The following NEK10 variants were observed in gnomAD, a reference collection of about 807,000 sequenced individuals.
NEK10 encodes serine/threonine-protein kinase Nek10.
Under a neutral mutation model 159.8 loss-of-function variants are expected in NEK10, and 122 were observed. The observed-to-expected ratio is 0.76, with a 90% CI of 0.66 to 0.89. The LOEUF is 0.89. Ranked by LOEUF, NEK10 falls within the 40% of genes least tolerant of loss-of-function variation. NEK10 has a pLI of 0.00. For missense variants in NEK10, 1,342 were observed against 1,323.1 expected (o/e 1.01, Z -0.22); for synonymous variants, 466 against 457.1 (o/e 1.02, Z -0.25).
intron 5 of NEK10, among the ~76,000 whole-genome samples, chr3:27,331,251 C>CAAAAAAAAAAAAAAAAAAA (rs1247716064): frequency 1.9e-5 from 1 of 53,916 alleles, no homozygotes. Context: ...AAAAAAAAAA[C>CAAAAAAAAAAAAAAAAAAA]AAAAAAAAAA....
chr3:27,136,103 A>ATTTTTTTTTTTTTTTTTTTTTTTTT lies in NEK10; in HGVS notation c.2971-4138_2971-4114dup, dbSNP rs775843715. Among the ~76,000 whole-genome samples the ATTTTTTTTTTTTTTTTTTTTTTTTT allele has an allele frequency of 3.3e-5, 2 of 60,680 alleles. 1 individual carries two copies. Among genetic ancestry groups the ATTTTTTTTTTTTTTTTTTTTTTTTT allele is most frequent in the Non-Finnish European group, 6.2e-5 (2 of 32,034 alleles). The allele number at this position is 60,680 out of a possible 152,430, so 39.8% of individuals were successfully genotyped here. On this transcript the variant is annotated intron_variant, in intron 31 of 35. Transcript: ENST00000691995. The stretch of plus-strand genomic sequence containing the variant: ...GGCTTGCCTGTTCTCTAGGAGATCG[A>ATTTTTTTTTTTTTTTTTTTTTTTTT]TTTTTTTTTTTTTTTTTTTTTTTTT...
intron 10 of NEK10, among the ~76,000 whole-genome samples, chr3:27,308,151 T>G (rs1223828780): frequency 6.6e-6 from 1 of 152,144 alleles, no homozygotes; most frequent in Non-Finnish European, 1.5e-5. Context: ...GCAAGGCACC[T>G]TCTTCACAAG....
chr3:27,204,315 T>TTTTTTTGTTTTTTGTTTTGTTTTG (rs1559606319), intron 23 of NEK10, among the ~76,000 whole-genome samples: 1 of 113,186 alleles, frequency 8.8e-6, no homozygotes, highest in Non-Finnish European at 1.9e-5. Flanking sequence ...TTTTTTTTTT[T>TTTTTTTGTTTTTTGTTTTGTTTTG]TTTTTTATTA....
At chr3:27,250,180 G>A (rs1305624059) in intron 23 of NEK10, among the ~76,000 whole-genome samples, 3 of 150,762 alleles carry the variant, frequency 2.0e-5, no homozygotes, top group Non-Finnish European at 1.5e-5. Flanking sequence ...TTGTTTTTCT[G>A]TGTATTTACT....
At chr3:27,300,167 G>A (rs1406980517) in intron 13 of NEK10, among the ~76,000 whole-genome samples, 1 of 152,186 alleles carries the variant, frequency 6.6e-6, no homozygotes, top group African/African-American at 2.4e-5. Context: ...TGTGTCATGG[G>A]AGGAACCCAG....
chr3:27,144,355 C>T (rs1057006718), intron 30 of NEK10, among the ~76,000 whole-genome samples: 1 of 152,198 alleles, frequency 6.6e-6, no homozygotes, highest in Admixed American at 6.5e-5. Flanking sequence ...TTCAATTTCT[C>T]ATGATAATAA....
At chr3:27,237,439 G>A (rs1324368983) in intron 23 of NEK10, among the ~76,000 whole-genome samples, 1 of 152,162 alleles carries the variant, frequency 6.6e-6, no homozygotes, top group Non-Finnish European at 1.5e-5. Context: ...GTAAAGACAG[G>A]TGTAAGAAAT....
Position 27,201,512 on chromosome 3 carries a change from G to A in NEK10, c.2289C>T (p.Ser763=), listed in dbSNP as rs1468803339. 1.2e-6 allele frequency: 2 copies of A among 1,613,452 alleles called. No homozygotes were observed. The highest frequency in any genetic ancestry group is 1.7e-6 in the Non-Finnish European group (2 of 1,179,538). Residue 763 remains serine (S), a splice_region_variant and synonymous_variant, in exon 25 of 36, where the codon AGC becomes AGT. Coordinates refer to ENST00000691995, the MANE Select transcript of NEK10 (RefSeq NM_001394966.1). ...TCTGAAGCCGCAAGACTAATTACCT[G>A]CTGATGGTGTCTGTTACTTTTTCAG... ...IYSEKVTDTI[S]RCLTPDAEAR...
At chr3:27,311,082 C>G (rs2044661233) in intron 8 of NEK10, 66 bp from the exon 9 acceptor site, 1 of 968,300 alleles carries the variant, frequency 1.0e-6, no homozygotes, top group African/African-American at 1.6e-5. Flanking sequence ...TCCAGGAGCA[C>G]AGATCTGCAG....
intron 16 of NEK10, 116 bp downstream of exon 16, chr3:27,293,472 G>T (rs746237940): frequency 1.5e-5 from 8 of 541,094 alleles, no homozygotes; most frequent in Admixed American, 3.5e-5. Flanking sequence ...AAGACACATG[G>T]TTTGCATACT....
At chr3:27,354,380 A>T (rs1016125348) in intron 1 of NEK10, among the ~76,000 whole-genome samples, 1 of 152,234 alleles carries the variant, frequency 6.6e-6, no homozygotes, top group African/African-American at 2.4e-5. Flanking sequence ...TGAGATCAGC[A>T]TGTACTCTGT....
intron 35 of NEK10, among the ~76,000 whole-genome samples, chr3:27,115,012 C>A (rs1940185555): frequency 6.6e-6 from 1 of 152,168 alleles, no homozygotes; most frequent in African/African-American, 2.4e-5. Flanking sequence ...GGAATACCTG[C>A]ACTTCTTTTC....
intron 1 of NEK10, among the ~76,000 whole-genome samples, chr3:27,356,491 C>T (rs192641173): frequency 3.7e-4 from 56 of 152,226 alleles, no homozygotes; most frequent in African/African-American, 7.0e-4. Flanking sequence ...GCCTGAGCAA[C>T]GGCACAAGAT....
intron 32 of NEK10, among the ~76,000 whole-genome samples, chr3:27,124,185 T>C (rs1335264782): frequency 1.3e-5 from 2 of 152,132 alleles, no homozygotes; most frequent in East Asian, 1.9e-4. Context: ...AGAGTTTAGA[T>C]GGTGAGACAG....
At chr3:27,293,890 C>T (rs2043168189) in intron 15 of NEK10, among the ~76,000 whole-genome samples, 2 of 152,124 alleles carry the variant, frequency 1.3e-5, no homozygotes, top group African/African-American at 4.8e-5. Flanking sequence ...ACTTGGTACT[C>T]GTCATTAATT....
intron 8 of NEK10, chr3:27,311,514 G>A (rs1342754011): frequency 6.3e-6 from 1 of 158,334 alleles, no homozygotes; most frequent in Admixed American, 6.4e-5. Flanking sequence ...AAGCAGATAT[G>A]AAGAGCCAGT....
intron 22 of NEK10, among the ~76,000 whole-genome samples, chr3:27,262,505 A>G (rs1270415283): frequency 6.6e-6 from 1 of 152,150 alleles, no homozygotes; most frequent in Admixed American, 6.5e-5. Context: ...ATATAGTCCC[A>G]TATTTCTTGG....
chr3:27,267,473 CT>C (rs2040995620), intron 22 of NEK10, among the ~76,000 whole-genome samples: 1 of 152,132 alleles, frequency 6.6e-6, no homozygotes, highest in Non-Finnish European at 1.5e-5. Flanking sequence ...ACAGCATCTG[CT>C]CACTTTATAT....
intron 26 of NEK10, among the ~76,000 whole-genome samples, chr3:27,175,103 G>A (rs1162869202): frequency 6.6e-6 from 1 of 152,072 alleles, no homozygotes; most frequent in Non-Finnish European, 1.5e-5. Flanking sequence ...CCCAGTAGCG[G>A]GGGGAAATAT....
Sources: gnomAD v4.1 joint callset for allele counts (sites outside exome capture counted in the v4.1 genomes callset) on GRCh38, gnomAD v4.1.1 for gene constraint, MANE v1.5 for transcripts, NCBI Gene and HGNC (gene_info 2026-07-23, HGNC 2026-07-21) for gene names.